MROH9: variants seen among roughly 807,000 people sequenced by gnomAD.
MROH9 encodes the protein maestro heat-like repeat-containing protein family member 9.
MROH9 carries 92 observed loss-of-function variants against 98.2 expected under a neutral mutation model. The ratio of observed to expected loss-of-function variants is 0.94; its 90% CI spans 0.79 to 1.11. The LOEUF (loss-of-function observed/expected upper bound fraction) is 1.11. MROH9 is among the 50% of genes most tolerant of loss of function. The pLI, the probability that MROH9 is intolerant of heterozygous loss-of-function variation, is 0.00. For missense variants in MROH9, 1,057 were observed against 1,014.8 expected (o/e 1.04, Z -0.57); for synonymous variants, 397 against 368.9 (o/e 1.08, Z -0.87).
At chr1:171,008,615 A>G (rs1652040461) in intron 15 of MROH9, among the ~76,000 whole-genome samples, 1 of 152,234 alleles carries the variant, frequency 6.6e-6, no homozygotes, top group African/African-American at 2.4e-5. Flanking sequence ...ATAAAAATGA[A>G]TGAGAAGCCA....
intron 20 of MROH9, among the ~76,000 whole-genome samples, chr1:171,042,349 T>C (rs1028937347): frequency 1.3e-5 from 2 of 152,104 alleles, no homozygotes; most frequent in Non-Finnish European, 2.9e-5. Context: ...TGGTATTCCA[T>C]TGTGTATGTG....
chr1:170,999,338 C>T (rs1651705257), intron 15 of MROH9, among the ~76,000 whole-genome samples: 1 of 152,066 alleles, frequency 6.6e-6, no homozygotes, highest in Non-Finnish European at 1.5e-5. Flanking sequence ...CCCCAAGTCC[C>T]CAAAGTCCAT....
chr1:170,985,824 T>G (rs1019532754), intron 9 of MROH9, among the ~76,000 whole-genome samples: 1 of 151,822 alleles, frequency 6.6e-6, no homozygotes, highest in Admixed American at 6.6e-5. Context: ...GAGGAGCTAG[T>G]GATCATCAAT....
intron 17 of MROH9, among the ~76,000 whole-genome samples, chr1:171,020,324 A>C (rs1206654841): frequency 6.6e-6 from 1 of 152,242 alleles, no homozygotes; most frequent in African/African-American, 2.4e-5. Context: ...AGAAAACTTC[A>C]GGGCAATATC....
chr1:170,939,076 C>T (rs1649013525), intron 1 of MROH9, among the ~76,000 whole-genome samples: 1 of 152,206 alleles, frequency 6.6e-6, no homozygotes, highest in Non-Finnish European at 1.5e-5. Flanking sequence ...TTAAATAATC[C>T]TCAGCAGAGA....
chr1:170,981,660 AACC>A (rs1650934664), intron 8 of MROH9, among the ~76,000 whole-genome samples: 1 of 151,880 alleles, frequency 6.6e-6, no homozygotes. Context: ...AGGTGCAGCA[AACC>A]ACCACAGCAC....
At chr1:171,029,658 TG>T (rs1652842016) in intron 20 of MROH9, among the ~76,000 whole-genome samples, 1 of 152,142 alleles carries the variant, frequency 6.6e-6, no homozygotes, top group Admixed American at 6.5e-5. Context: ...CCGATCGTGG[TG>T]GGTAAGTTTT....
chr1:171,036,749 C>T (rs927410249), intron 20 of MROH9, among the ~76,000 whole-genome samples: 10 of 150,314 alleles, frequency 6.7e-5, no homozygotes, highest in African/African-American at 1.5e-4. Flanking sequence ...AATAAATAAA[C>T]GCTATCTTTA....
At chr1:171,044,070 T>C (rs1234266673) in intron 20 of MROH9, among the ~76,000 whole-genome samples, 2 of 152,148 alleles carry the variant, frequency 1.3e-5, no homozygotes, top group Non-Finnish European at 2.9e-5. Context: ...AGGCTTTCAG[T>C]TTTTCCCCAT....
chr1:171,054,301 T>C (rs1339527302), intron 20 of MROH9, among the ~76,000 whole-genome samples: 1 of 152,118 alleles, frequency 6.6e-6, no homozygotes, highest in Non-Finnish European at 1.5e-5. Flanking sequence ...ATTCAACAAA[T>C]TGTGCTGGGA....
In MROH9 at chr1:171,014,142, C is replaced by A; in HGVS notation, c.1622C>A (p.Pro541His). The A allele has an allele frequency of 6.4e-7, 1 of 1,550,854 alleles. No homozygotes were observed. Among genetic ancestry groups the A allele is most frequent in the Non-Finnish European group, 8.7e-7 (1 of 1,146,600 alleles). Residue 541 changes from proline to histidine, a missense_variant, in exon 16 of 22, where the codon CCT (proline) becomes CAT (histidine). By Grantham distance (77) the Pro-to-His change is moderately conservative. Coordinates refer to ENST00000367759, the MANE Select transcript of MROH9 (RefSeq NM_001163629.2). ...TELLNNFFKD[P>H]LPEEFLVLFI... ...CTTCTGAATAACTTCTTCAAGGACC[C>A]TTTACCAGAAGAATTTTTGGTCCTC...
chr1:171,064,017 G>T (rs1654092029), intron 21 of MROH9, 82 bp from the exon 22 acceptor site: 1 of 1,360,134 alleles, frequency 7.4e-7, no homozygotes, highest in East Asian at 2.5e-5. Flanking sequence ...CTCTGTGAAA[G>T]GTGGCAGGGC....
At chr1:170,994,461 T>A (rs1032120051) in intron 12 of MROH9, among the ~76,000 whole-genome samples, 7 of 152,138 alleles carry the variant, frequency 4.6e-5, no homozygotes, top group South Asian at 2.1e-4. Context: ...TTTAATTTTT[T>A]AAAAAATTTT....
intron 17 of MROH9, among the ~76,000 whole-genome samples, chr1:171,018,538 A>G (rs1652404681): frequency 6.6e-6 from 1 of 152,180 alleles, no homozygotes; most frequent in African/African-American, 2.4e-5. Flanking sequence ...AGGACATAGA[A>G]CTGGACGGAG....
chr1:170,953,672 T>C (rs1440560077), intron 3 of MROH9, among the ~76,000 whole-genome samples: 1 of 151,636 alleles, frequency 6.6e-6, no homozygotes, highest in Non-Finnish European at 1.5e-5. Flanking sequence ...AATGCTTTTA[T>C]AGTTTTACAA....
chr1:171,018,967 C>T (rs550281746), intron 17 of MROH9, among the ~76,000 whole-genome samples: 1 of 152,226 alleles, frequency 6.6e-6, no homozygotes. Flanking sequence ...TCAAGTGGAC[C>T]CAATAGACAT....
At chr1:171,007,563 C>T (rs1652004050) in intron 15 of MROH9, among the ~76,000 whole-genome samples, 1 of 152,220 alleles carries the variant, frequency 6.6e-6, no homozygotes, top group Non-Finnish European at 1.5e-5. Flanking sequence ...ACAGGAAGAA[C>T]TGCTCCCAAA....
intron 20 of MROH9, among the ~76,000 whole-genome samples, chr1:171,061,288 A>G (rs1654006765): frequency 6.6e-6 from 1 of 152,198 alleles, no homozygotes; most frequent in South Asian, 2.1e-4. Flanking sequence ...AAATTGGTAC[A>G]GCCACTTTGG....
At chr1:171,062,014 C>G in intron 20 of MROH9, 118 bp from the exon 21 acceptor site, 1 of 646,890 alleles carries the variant, frequency 1.5e-6, no homozygotes, top group Non-Finnish European at 2.7e-6. Flanking sequence ...AAAGATGACT[C>G]AAGGATAATA....
Sources: gnomAD v4.1 joint callset for allele counts (sites outside exome capture counted in the v4.1 genomes callset) on GRCh38, gnomAD v4.1.1 for gene constraint, MANE v1.5 for transcripts, NCBI Gene and HGNC (gene_info 2026-07-23, HGNC 2026-07-21) for gene names.